Variants in FBXO17 observed in about 807,000 individuals in gnomAD.
FBXO17 encodes F-box protein 17.
A neutral mutation model predicts 34.1 loss-of-function variants in FBXO17; 43 were observed. That is an observed-to-expected ratio of 1.26 (90% confidence interval 0.99 to 1.62). The LOEUF (loss-of-function observed/expected upper bound fraction) is 1.62, where lower values mean the gene tolerates loss of function less well. Ranked by LOEUF, FBXO17 falls within the 40% of genes most tolerant of loss-of-function variation. The probability of loss-of-function intolerance (pLI) is 0.00; values close to 1 mark genes in which losing one functional copy is unlikely to be tolerated. For missense variants in FBXO17, 424 were observed against 386.7 expected (o/e 1.10, Z -0.81); for synonymous variants, 169 against 166.0 (o/e 1.02, Z -0.14).
intron 1 of FBXO17, among the ~76,000 whole-genome samples, chr19:38,964,996 A>G (rs2144838646): frequency 6.6e-6 from 1 of 152,292 alleles, no homozygotes; most frequent in East Asian, 1.9e-4. Flanking sequence ...TATTTATAAC[A>G]GCCCCAAATG....
At chr19:38,949,683 C>A in intron 2 of FBXO17, 1 of 540,596 alleles carries the variant, frequency 1.8e-6, no homozygotes, top group Admixed American at 3.6e-5. Context: ...CGCGCCTGGC[C>A]CCTGTCCTGT....
Position 38,946,498 on chromosome 19 carries a change from G to A in FBXO17, c.531C>T (p.Ala177=), listed in dbSNP as rs1417679633. ...EGVWQELLDS[A]QIEICVADWW... The stretch of plus-strand genomic sequence containing the variant: ...AGTCAGCCACACAGATCTCAATCTG[G>A]GCGCTGTCCAGCAGCTCCTGCCACA... Residue 177 remains alanine, a synonymous_variant, in exon 4 of 6, where the codon GCC becomes GCT. Transcript: ENST00000292852. The A allele has an allele frequency of 6.2e-7, 1 of 1,614,016 alleles. No homozygotes were observed. Among genetic ancestry groups the A allele is most frequent in the Non-Finnish European group, 8.5e-7 (1 of 1,179,928 alleles).
At chr19:38,974,063 CAT>C (rs993256142) in intron 1 of FBXO17, among the ~76,000 whole-genome samples, 30 of 146,868 alleles carry the variant, frequency 2.0e-4, no homozygotes, top group Admixed American at 1.9e-3. Flanking sequence ...TATATACACA[CAT>C]ATATATATGT....
chr19:38,973,283 G>A (rs1975414037), intron 1 of FBXO17, among the ~76,000 whole-genome samples: 1 of 152,182 alleles, frequency 6.6e-6, no homozygotes, highest in South Asian at 2.1e-4. Flanking sequence ...GCTGAGGCAG[G>A]AGAATCGCTT....
At chr19:38,942,961 G>A (rs1474970134) in intron 5 of FBXO17, among the ~76,000 whole-genome samples, 1 of 152,214 alleles carries the variant, frequency 6.6e-6, no homozygotes, top group African/African-American at 2.4e-5. Context: ...TGGGGGTGAG[G>A]GGCCAGGGGC....
chr19:38,948,459 TGGG>T (rs1050114969), intron 3 of FBXO17, 105 bp downstream of exon 3: 13 of 749,112 alleles, frequency 1.7e-5, no homozygotes, highest in Admixed American at 1.0e-4. Context: ...AATAAATAAA[TGGG>T]GGAAGGAGAG....
intron 1 of FBXO17, among the ~76,000 whole-genome samples, chr19:38,972,845 C>T (rs1395221359): frequency 4.6e-5 from 7 of 151,972 alleles, no homozygotes; most frequent in Non-Finnish European, 1.0e-4. Flanking sequence ...CTGCAAGCTC[C>T]ACCTCCTGGG....
chr19:38,942,861 G>GTA, intron 5 of FBXO17, 110 bp from the exon 6 acceptor site: 1 of 1,019,230 alleles, frequency 9.8e-7, no homozygotes. Flanking sequence ...GCGCTAGTTT[G>GTA]CTGGGGACGG....
intron 1 of FBXO17, among the ~76,000 whole-genome samples, chr19:38,974,014 A>T (rs1298831423): frequency 7.6e-6 from 1 of 132,236 alleles, no homozygotes; most frequent in Non-Finnish European, 1.6e-5. Context: ...TCAAATATAT[A>T]TGTGTATATA....
intron 1 of FBXO17, among the ~76,000 whole-genome samples, chr19:38,969,588 CTT>C (rs67681512): frequency 2.8e-4 from 29 of 103,556 alleles, no homozygotes; most frequent in African/African-American, 6.8e-4. Context: ...AACCACTGGG[CTT>C]TTTTTTTTTT....
intron 1 of FBXO17, among the ~76,000 whole-genome samples, chr19:38,951,652 TA>T (rs1234598042): frequency 7.4e-6 from 1 of 134,582 alleles, no homozygotes; most frequent in African/African-American, 2.7e-5. Context: ...TTTGGCTTTC[TA>T]TTTTTTTTTT....
intron 2 of FBXO17, among the ~76,000 whole-genome samples, chr19:38,949,188 G>A (rs1023757512): frequency 2.6e-5 from 4 of 152,032 alleles, no homozygotes; most frequent in Non-Finnish European, 5.9e-5. Context: ...TGTAACCTCC[G>A]CCTCCCAGGT....
intron 3 of FBXO17, 26 bp downstream of exon 3, chr19:38,948,541 C>G (rs756476053): frequency 1.3e-6 from 2 of 1,587,434 alleles, no homozygotes; most frequent in African/African-American, 2.7e-5. Context: ...CCCCAGGGAT[C>G]GGGGCCTCTC....
At chr19:38,966,293 T>TTTTGTGTGTGTGTG (rs1555752430) in intron 1 of FBXO17, among the ~76,000 whole-genome samples, 6 of 142,942 alleles carry the variant, frequency 4.2e-5, no homozygotes, top group Admixed American at 2.9e-4. Context: ...ATTAAAAATT[T>TTTTGTGTGTGTGTG]TGTGTGTGTG....
chr19:38,962,925 T>C (rs941230661), intron 1 of FBXO17, among the ~76,000 whole-genome samples: 1 of 152,066 alleles, frequency 6.6e-6, no homozygotes, highest in African/African-American at 2.4e-5. Context: ...TTGGCCAGGA[T>C]GGTCTCGATC....
chr19:38,958,527 G>A (rs1486512176), intron 1 of FBXO17, among the ~76,000 whole-genome samples: 1 of 152,092 alleles, frequency 6.6e-6, no homozygotes, highest in Non-Finnish European at 1.5e-5. Context: ...TTTGGGAAAG[G>A]TTGAAAAGTA....
At chr19:38,965,240 G>C (rs952937683) in intron 1 of FBXO17, among the ~76,000 whole-genome samples, 1 of 151,980 alleles carries the variant, frequency 6.6e-6, no homozygotes, top group Non-Finnish European at 1.5e-5. Context: ...GTACACTCAG[G>C]ACTGGCTTCA....
At chr19:38,960,210 C>T (rs1975227849) in intron 1 of FBXO17, among the ~76,000 whole-genome samples, 1 of 152,030 alleles carries the variant, frequency 6.6e-6, no homozygotes, top group South Asian at 2.1e-4. Flanking sequence ...AAAAATACCT[C>T]TGTGAATCAT....
chr19:38,962,001 A>G (rs1975256976), intron 1 of FBXO17, among the ~76,000 whole-genome samples: 1 of 151,494 alleles, frequency 6.6e-6, no homozygotes, highest in Admixed American at 6.6e-5. Context: ...CTTTTCTATA[A>G]TTTCACGTAA....
Sources: allele counts gnomAD v4.1 joint callset (sites outside exome capture counted in the v4.1 genomes callset), GRCh38; gene constraint gnomAD v4.1.1; transcripts MANE v1.5; gene names NCBI Gene and HGNC (gene_info 2026-07-23, HGNC 2026-07-21).